The following EFNA5 variants were observed in gnomAD, a reference collection of about 807,000 sequenced individuals.
EFNA5 encodes ephrin A5, also known as ephrin-A5.
Under a neutral mutation model 22.9 loss-of-function variants are expected in EFNA5, and 5 were observed. That is an observed-to-expected ratio of 0.22 (90% CI 0.11 to 0.46). The LOEUF (loss-of-function observed/expected upper bound fraction) is 0.46, where lower values mean the gene tolerates loss of function less well. Among genes scored for constraint, EFNA5 ranks in the 20% least tolerant of loss-of-function variants. The probability of loss-of-function intolerance (pLI) is 0.99; values close to 1 mark genes in which losing one functional copy is unlikely to be tolerated. For missense variants in EFNA5, 237 were observed against 293.3 expected (o/e 0.81, Z 1.40); for synonymous variants, 113 against 112.2 (o/e 1.01, Z -0.04).
intron 1 of EFNA5, among the ~76,000 whole-genome samples, chr5:107,613,680 G>A (rs1749864345): frequency 6.6e-6 from 1 of 152,146 alleles, no homozygotes; most frequent in Non-Finnish European, 1.5e-5. Context: ...ACCCCAATAA[G>A]AGATTCCTGA....
At chr5:107,550,810 C>T (rs929685381) in intron 1 of EFNA5, among the ~76,000 whole-genome samples, 3 of 152,080 alleles carry the variant, frequency 2.0e-5, no homozygotes, top group African/African-American at 7.2e-5. Context: ...TCAGGCCCTA[C>T]CAGTATTTTG....
intron 2 of EFNA5, chr5:107,426,927 TCCTGAGC>T: frequency 3.1e-6 from 1 of 322,644 alleles, no homozygotes; most frequent in Non-Finnish European, 5.7e-6. Context: ...TTTTTTCTTT[TCCTGAGC>T]TTTGGAGAAG....
intron 1 of EFNA5, among the ~76,000 whole-genome samples, chr5:107,447,320 C>T (rs892470541): frequency 1.3e-5 from 2 of 152,190 alleles, no homozygotes; most frequent in African/African-American, 2.4e-5. Flanking sequence ...TTTAAAATTA[C>T]GCATTTGAGC....
At chr5:107,445,908 C>G (rs558738691) in intron 1 of EFNA5, among the ~76,000 whole-genome samples, 3 of 152,162 alleles carry the variant, frequency 2.0e-5, no homozygotes, top group African/African-American at 4.8e-5. Context: ...TCAACTTTAT[C>G]TTCATTTTTC....
At chr5:107,396,149 G>A (rs1054469982) in intron 2 of EFNA5, among the ~76,000 whole-genome samples, 12 of 152,310 alleles carry the variant, frequency 7.9e-5, no homozygotes, top group African/African-American at 2.6e-4. Context: ...ATATTTCTGT[G>A]AGCCTTTCAA....
At chr5:107,573,734 T>A (rs1748864893) in intron 1 of EFNA5, among the ~76,000 whole-genome samples, 1 of 152,124 alleles carries the variant, frequency 6.6e-6, no homozygotes, top group Non-Finnish European at 1.5e-5. Flanking sequence ...CCCTTACCTA[T>A]CAAAAGGTCT....
At chr5:107,644,794 T>G (rs1471612830) in intron 1 of EFNA5, among the ~76,000 whole-genome samples, 1 of 152,104 alleles carries the variant, frequency 6.6e-6, no homozygotes, top group Non-Finnish European at 1.5e-5. Context: ...CTCCGTCTCC[T>G]GGGTTCAAGC....
At chr5:107,528,898 T>C (rs1308111930) in intron 1 of EFNA5, among the ~76,000 whole-genome samples, 1 of 152,194 alleles carries the variant, frequency 6.6e-6, no homozygotes, top group African/African-American at 2.4e-5. Flanking sequence ...GAAGCTTTAT[T>C]TGTATAGAAT....
intron 1 of EFNA5, among the ~76,000 whole-genome samples, chr5:107,466,445 C>T (rs188966177): frequency 6.3e-4 from 96 of 152,244 alleles, no homozygotes; most frequent in African/African-American, 2.1e-3. Flanking sequence ...TCTCCACTCC[C>T]ACACCTCAGC....
At chr5:107,616,696 A>T (rs1423954037) in intron 1 of EFNA5, among the ~76,000 whole-genome samples, 1 of 152,208 alleles carries the variant, frequency 6.6e-6, no homozygotes, top group Non-Finnish European at 1.5e-5. Flanking sequence ...CCTGTCAATT[A>T]TAACAAGTAT....
chr5:107,612,624 C>T (rs1352822906), intron 1 of EFNA5, among the ~76,000 whole-genome samples: 1 of 152,030 alleles, frequency 6.6e-6, no homozygotes, highest in Non-Finnish European at 1.5e-5. Flanking sequence ...AGAGCATGTT[C>T]TTTGTTTAGT....
At chr5:107,522,653 A>G (rs1277174531) in intron 1 of EFNA5, among the ~76,000 whole-genome samples, 1 of 152,100 alleles carries the variant, frequency 6.6e-6, no homozygotes, top group Non-Finnish European at 1.5e-5. Context: ...GGCCTCCCAA[A>G]GGGTTGGGAT....
intron 1 of EFNA5, among the ~76,000 whole-genome samples, chr5:107,430,050 T>C (rs1748907406): frequency 6.6e-6 from 1 of 152,164 alleles, no homozygotes; most frequent in Non-Finnish European, 1.5e-5. Context: ...CCAAACTACA[T>C]AACCATTTTT....
At position 107,402,784 on chromosome 5, in the gene EFNA5, C is replaced by T. The variant is rs540814636; in HGVS notation, c.419-15013G>A. Among the ~76,000 whole-genome samples, 4 of 152,304 alleles carry T rather than the reference C, an allele frequency of 2.6e-5. No homozygotes were observed. In the East Asian group the frequency reaches 7.7e-4, roughly 29 times the overall value. ...AAAAAAGAAATTCTGTGGCAGGATG[C>T]TTTGATTCTGACTAAATCAAGTCTT... On this transcript the variant is annotated intron_variant, in intron 2 of 4. Transcript: ENST00000333274.
intron 1 of EFNA5, among the ~76,000 whole-genome samples, chr5:107,574,554 T>G (rs920488626): frequency 2.6e-5 from 4 of 152,210 alleles, no homozygotes; most frequent in African/African-American, 9.7e-5. Context: ...AGAAGATTTT[T>G]TTCCCCCCAT....
At chr5:107,432,618 T>C (rs1748992086) in intron 1 of EFNA5, among the ~76,000 whole-genome samples, 1 of 152,216 alleles carries the variant, frequency 6.6e-6, no homozygotes, top group Non-Finnish European at 1.5e-5. Flanking sequence ...TTACCATACT[T>C]AGAAAAGCAA....
chr5:107,380,071 C>T lies in EFNA5; in HGVS notation c.*1184G>A, dbSNP rs1465067687. On this transcript the variant is annotated 3_prime_UTR_variant, in exon 5 of 5. Transcript: ENST00000333274. ...CTTTGGAATTTTATTTCCAAATTTCCCTTTAGCCCTCCCAAGTAGTGCTGA... is the reference window on the plus strand; with the variant it reads ...CTTTGGAATTTTATTTCCAAATTTCTCTTTAGCCCTCCCAAGTAGTGCTGA... The T allele has an allele frequency of 6.6e-6, 1 of 151,834 alleles. No individual in the cohort carries two copies. Among genetic ancestry groups the T allele is most frequent in the African/African-American group, 2.4e-5 (1 of 41,318 alleles). The allele number at this position is 151,834 out of a possible 1,614,324, so 9.4% of individuals were successfully genotyped here. A position where few individuals can be genotyped will look rare whatever the true frequency, so the allele number is the denominator to read the frequency against.
At chr5:107,529,187 T>C (rs1330955204) in intron 1 of EFNA5, among the ~76,000 whole-genome samples, 1 of 152,308 alleles carries the variant, frequency 6.6e-6, no homozygotes, top group East Asian at 1.9e-4. Context: ...TATTGGTAGA[T>C]AAATGGTTGC....
chr5:107,625,768 A>T (rs114739571), intron 1 of EFNA5, among the ~76,000 whole-genome samples: 280 of 152,326 alleles, frequency 1.8e-3, no homozygotes, highest in Non-Finnish European at 3.3e-3. Context: ...CTTGATTTTC[A>T]TCTTTCTCCT....
Sources: gnomAD v4.1 joint callset for allele counts (sites outside exome capture counted in the v4.1 genomes callset) on GRCh38, gnomAD v4.1.1 for gene constraint, MANE v1.5 for transcripts, NCBI Gene and HGNC (gene_info 2026-07-23, HGNC 2026-07-21) for gene names.